FLVCR2: variants seen among roughly 807,000 people sequenced by gnomAD.
FLVCR2 encodes the protein FLVCR choline and putative heme transporter 2, also known as choline/ethanolamine transporter FLVCR2.
Under a neutral mutation model 48.9 loss-of-function variants are expected in FLVCR2, and 38 were observed. The ratio of observed to expected loss-of-function variants is 0.78; its 90% CI spans 0.60 to 1.02. FLVCR2 has a LOEUF of 1.02. Among genes scored for constraint, FLVCR2 ranks in the 50% least tolerant of loss-of-function variants. FLVCR2 has a pLI of 0.00. For missense variants in FLVCR2, 664 were observed against 663.3 expected, an observed-to-expected ratio of 1.00 and a Z score of -0.01; for synonymous variants, 255 against 257.0, an observed-to-expected ratio of 0.99 and a Z score of 0.07.
intron 1 of FLVCR2, among the ~76,000 whole-genome samples, chr14:75,593,065 T>G (rs945140015): frequency 1.3e-5 from 2 of 152,192 alleles, no homozygotes; most frequent in African/African-American, 4.8e-5. Flanking sequence ...CTCTGAGAAG[T>G]TCCAAACGTT....
At chr14:75,584,976 G>A (rs986530634) in intron 1 of FLVCR2, among the ~76,000 whole-genome samples, 19 of 152,280 alleles carry the variant, frequency 1.2e-4, no homozygotes, top group African/African-American at 4.3e-4. Flanking sequence ...AGGGCTAGTC[G>A]CTGAACGAAA....
chr14:75,591,591 A>G (rs1888878922), intron 1 of FLVCR2, among the ~76,000 whole-genome samples: 1 of 152,176 alleles, frequency 6.6e-6, no homozygotes, highest in South Asian at 2.1e-4. Flanking sequence ...CTGAGGTCAC[A>G]TGCTGCCAGT....
At chr14:75,595,663 A>G (rs1404931652) in intron 1 of FLVCR2, 6 of 583,550 alleles carry the variant, frequency 1.0e-5, no homozygotes, top group Non-Finnish European at 1.8e-5. Context: ...TGTTATTGCT[A>G]TTGACAGCAA....
intron 1 of FLVCR2, among the ~76,000 whole-genome samples, chr14:75,612,062 T>C (rs1889470157): frequency 6.6e-6 from 1 of 152,072 alleles, no homozygotes; most frequent in Admixed American, 6.5e-5. Context: ...CACTTTAAAA[T>C]AGACATTAGG....
chr14:75,635,573 G>T (rs186665861), intron 5 of FLVCR2, among the ~76,000 whole-genome samples: 2 of 152,300 alleles, frequency 1.3e-5, no homozygotes, highest in Admixed American at 1.3e-4. Flanking sequence ...TATTTTAAAA[G>T]GTTTTATCAG....
At position 75,578,956 on chromosome 14, in the gene FLVCR2, CAG is replaced by C. The variant is rs1481348417; in HGVS notation, c.-14_-13del. Reference sequence around the variant, plus strand: ...AGTCCTCACCACTTCTCCAGGATTCCAGAGGAGACTGTGGCGATGGTGAATGA... The same window carrying C: ...AGTCCTCACCACTTCTCCAGGATTCCAGGAGACTGTGGCGATGGTGAATGA... On this transcript the variant is annotated 5_prime_UTR_variant, in exon 1 of 10. Coordinates refer to ENST00000238667, the MANE Select transcript of FLVCR2 (RefSeq NM_017791.3). 6 of 1,613,792 alleles carry C rather than the reference CAG, an allele frequency of 3.7e-6. No individual in the cohort carries two copies. Among genetic ancestry groups the C allele is most frequent in the Middle Eastern group, 1.6e-4 (1 of 6,062 alleles).
chr14:75,606,052 G>A, intron 1 of FLVCR2: 1 of 197,362 alleles, frequency 5.1e-6, no homozygotes, highest in Non-Finnish European at 1.1e-5. Context: ...CAGTGTCTCA[G>A]TCTGTCGCCC....
At position 75,579,101 on chromosome 14, in the gene FLVCR2, C is replaced by T. The variant is rs761432705; in HGVS notation, c.129C>T (p.Pro43=). Residue 43 remains proline (P), a synonymous_variant, in exon 1 of 10, where the codon CCC becomes CCT. Transcript: ENST00000238667. ...VSVHPSVSIN[P]SVSVHPSSSA... ...TCCATCCCAGCGTCTCCATCAACCC[C>T]AGCGTCTCTGTCCACCCCAGCAGTT... The T allele has an allele frequency of 2.5e-6, 4 of 1,614,120 alleles. No homozygotes were observed. Among genetic ancestry groups the T allele is most frequent in the Non-Finnish European group, 2.5e-6 (3 of 1,179,982 alleles).
chr14:75,608,607 G>A (rs528181421), intron 1 of FLVCR2, among the ~76,000 whole-genome samples: 3 of 152,214 alleles, frequency 2.0e-5, no homozygotes, highest in South Asian at 2.1e-4. Flanking sequence ...AAGTTTTCTC[G>A]CAGCCCCTCA....
rs1379063731 is a variant in FLVCR2 at position 75,641,055 on chromosome 14, G to T, written c.1336G>T (p.Ala446Ser). 3 of 1,611,752 alleles carry T rather than the reference G, an allele frequency of 1.9e-6. No homozygotes were observed. In the African/African-American group the frequency reaches 4.0e-5, roughly 22 times the overall value. ...CTCCTCCGGCCTCCTCAACATATCT[G>T]CACAGGTAGAGCTCGTATTTCCTGT... ...GISSGLLNIS[A>S]QVFGIIFTIS... is the part of the protein sequence containing the mutation. Residue 446 changes from alanine to serine, a missense_variant, in exon 7 of 10, where the codon GCA (alanine) becomes TCA (serine). Ala to Ser is a moderately conservative substitution (Grantham distance 99). Coordinates refer to ENST00000238667, the MANE Select transcript of FLVCR2 (RefSeq NM_017791.3).
At chr14:75,644,899 C>T (rs893810280) in intron 9 of FLVCR2, among the ~76,000 whole-genome samples, 3 of 152,160 alleles carry the variant, frequency 2.0e-5, no homozygotes, top group Non-Finnish European at 4.4e-5. Context: ...TTGACCTTGA[C>T]TATGAACATC....
chr14:75,634,907 CA>C lies in FLVCR2; in HGVS notation c.1021-2del. 1 of 1,608,226 alleles carries C rather than the reference CA, an allele frequency of 6.2e-7. No individual in the cohort carries two copies. Among genetic ancestry groups the C allele is most frequent in the Non-Finnish European group, 8.5e-7 (1 of 1,174,834 alleles). On this transcript the variant is annotated splice_acceptor_variant, in intron 4 of 9. Coordinates refer to ENST00000238667, the MANE Select transcript of FLVCR2 (RefSeq NM_017791.3). LOFTEE classifies it high-confidence loss of function. ...GTGATCTTTGGGGTTATGGTTTCCCCAGGGGGAAGAAGTGAATGCTGGAAGA... is the reference window on the plus strand; with the variant it reads ...GTGATCTTTGGGGTTATGGTTTCCCCGGGGGAAGAAGTGAATGCTGGAAGA...
At chr14:75,619,190 G>A (rs1889697968) in intron 1 of FLVCR2, among the ~76,000 whole-genome samples, 1 of 152,184 alleles carries the variant, frequency 6.6e-6, no homozygotes, top group Admixed American at 6.5e-5. Context: ...TCATGCCACT[G>A]CACTCCGTCC....
At chr14:75,615,120 C>T (rs1022805016) in intron 1 of FLVCR2, among the ~76,000 whole-genome samples, 1 of 152,050 alleles carries the variant, frequency 6.6e-6, no homozygotes, top group Non-Finnish European at 1.5e-5. Context: ...TAAGCAGGGA[C>T]GGTGGGGTCA....
At chr14:75,586,185 G>A (rs908653753) in intron 1 of FLVCR2, among the ~76,000 whole-genome samples, 4 of 152,240 alleles carry the variant, frequency 2.6e-5, no homozygotes, top group African/African-American at 7.2e-5. Context: ...AGCAAAGGGC[G>A]GGAATTATCA....
chr14:75,586,482 G>A (rs1427761907), intron 1 of FLVCR2, among the ~76,000 whole-genome samples: 2 of 152,154 alleles, frequency 1.3e-5, no homozygotes, highest in Non-Finnish European at 1.5e-5. Flanking sequence ...CTTAGCTTGG[G>A]CTCAGAGGCC....
intron 1 of FLVCR2, among the ~76,000 whole-genome samples, chr14:75,587,651 C>T (rs1280108915): frequency 6.6e-6 from 1 of 152,170 alleles, no homozygotes. Context: ...TAGTAACAGC[C>T]TGGAATTTTT....
At chr14:75,610,419 TA>T (rs895200753) in intron 1 of FLVCR2, among the ~76,000 whole-genome samples, 1 of 150,406 alleles carries the variant, frequency 6.6e-6, no homozygotes, top group African/African-American at 2.5e-5. Context: ...CGGGCTTAGC[TA>T]AAAAAATAAA....
At chr14:75,631,724 T>C in intron 3 of FLVCR2, 1 of 455,768 alleles carries the variant, frequency 2.2e-6, no homozygotes, top group South Asian at 1.5e-5. Flanking sequence ...GGGAGGAGAC[T>C]ATTTTCTTTC....
Sources: gnomAD v4.1 joint callset for allele counts (sites outside exome capture counted in the v4.1 genomes callset) on GRCh38, gnomAD v4.1.1 for gene constraint, MANE v1.5 for transcripts, NCBI Gene and HGNC (gene_info 2026-07-23, HGNC 2026-07-21) for gene names.